Variants in TBCD observed in about 807,000 individuals in gnomAD.
TBCD encodes tubulin folding cofactor D, also known as tubulin-specific chaperone D.
Under a neutral mutation model 169.3 loss-of-function variants are expected in TBCD, and 105 were observed. The observed-to-expected ratio is 0.62, with a 90% CI of 0.53 to 0.73. The LOEUF is 0.73. Ranked by LOEUF, TBCD falls within the 30% of genes least tolerant of loss-of-function variation. TBCD has a pLI of 0.00. For missense variants in TBCD, 1,444 were observed against 1,600.1 expected (o/e 0.90, Z 1.66); for synonymous variants, 700 against 643.9 (o/e 1.09, Z -1.32).
chr17:82,844,920 C>T (rs910598230), intron 13 of TBCD, among the ~76,000 whole-genome samples: 3 of 152,130 alleles, frequency 2.0e-5, no homozygotes, highest in Non-Finnish European at 4.4e-5. Context: ...CTGTGGAGTC[C>T]CCCCACCCAC....
In TBCD at chr17:82,782,097, C is replaced by T. The variant is rs977038604; in HGVS notation, c.771+376C>T. On this transcript the variant is annotated intron_variant, in intron 7 of 38. Transcript: ENST00000355528. The surrounding 1 kb of genome is among the most constrained non-coding windows in gnomAD (Gnocchi z 5.1). ...GGTGAGTTGAAATTTGATTCTGTTC[C>T]TTTGCACTGGGCTCGGGTTGGATGT... Among the ~76,000 whole-genome samples the T allele has an allele frequency of 2.0e-5, 3 of 152,198 alleles. No individual in the cohort carries two copies. The highest frequency in any genetic ancestry group is 7.2e-5 in the African/African-American group (3 of 41,444).
intron 37 of TBCD, among the ~76,000 whole-genome samples, chr17:82,940,182 C>T (rs1457566920): frequency 1.3e-5 from 2 of 151,708 alleles, no homozygotes; most frequent in Non-Finnish European, 2.9e-5. Flanking sequence ...TGGGCATGGG[C>T]ACCCATGCTG....
chr17:82,930,497 C>T lies in TBCD; in HGVS notation c.2992-25C>T. ...GTGGCAGGCTCGGGGGTCCCACTGC[C>T]TTCTGAGGTGTCTCCGTGTTGCAGA... is the stretch of plus-strand genomic sequence containing the variant. On this transcript the variant is annotated intron_variant, in intron 32 of 38. Coordinates refer to ENST00000355528, the MANE Select transcript of TBCD (RefSeq NM_005993.5). The surrounding 1 kb of genome is among the most constrained non-coding windows in gnomAD (Gnocchi z 5.2). The T allele has an allele frequency of 6.2e-7, 1 of 1,609,908 alleles. No homozygotes were observed. The highest frequency in any genetic ancestry group is 2.2e-5 in the East Asian group (1 of 44,780).
intron 26 of TBCD, among the ~76,000 whole-genome samples, chr17:82,924,055 G>T (rs991169293): frequency 6.6e-6 from 1 of 152,178 alleles, no homozygotes; most frequent in Non-Finnish European, 1.5e-5. Context: ...CTGAGTTCAA[G>T]CAATTCTTGT....
chr17:82,833,852 C>G lies in TBCD; in HGVS notation c.1318+18918C>G, dbSNP rs2053724545. Among the ~76,000 whole-genome samples the G allele has an allele frequency of 6.6e-6, 1 of 152,172 alleles. No homozygotes were observed. The highest frequency in any genetic ancestry group is 1.5e-5 in the Non-Finnish European group (1 of 68,028). ...TGTGTGATGTCAGAGCTGGCCTGCT[C>G]TTTTGGATTCTTCCAGAGGGTCTCT... On this transcript the variant is annotated intron_variant, in intron 13 of 38. Transcript: ENST00000355528. This position sits in a 1 kb window ranked among gnomAD's most constrained non-coding sequence, Gnocchi z 4.7.
At chr17:82,825,131 G>T (rs1275351715) in intron 13 of TBCD, among the ~76,000 whole-genome samples, 1 of 152,162 alleles carries the variant, frequency 6.6e-6, no homozygotes, top group African/African-American at 2.4e-5. Flanking sequence ...CAACCATTGT[G>T]CTTGGGCGGG....
chr17:82,859,180 G>A (rs564014135), intron 13 of TBCD, among the ~76,000 whole-genome samples: 26 of 147,514 alleles, frequency 1.8e-4, no homozygotes, highest in African/African-American at 5.3e-4. Flanking sequence ...CTTGTGGGTC[G>A]TCTGGCCTGC....
Position 82,782,933 on chromosome 17 carries a change from G to A in TBCD, c.771+1212G>A, listed in dbSNP as rs747695336. 1.3e-5 allele frequency among the ~76,000 whole-genome samples: 2 copies of A among 149,640 alleles called. No individual in the cohort carries two copies. Among genetic ancestry groups the A allele is most frequent in the Admixed American group, 1.3e-4 (2 of 15,050 alleles). ...GCGGTGTCGTCTTCCTGTCCATGGC[G>A]GCCTCCTGTCCGCGGTGCCCTCCTG... On this transcript the variant is annotated intron_variant, in intron 7 of 38. Transcript: ENST00000355528. The surrounding 1 kb of genome is among the most constrained non-coding windows in gnomAD (Gnocchi z 5.1).
rs759008982 is a variant in TBCD, at chr17:82,831,959, C to T, written c.1318+17025C>T. On this transcript the variant is annotated intron_variant, in intron 13 of 38. Transcript: ENST00000355528. This position sits in a 1 kb window ranked among gnomAD's most constrained non-coding sequence, Gnocchi z 4.6. ...TCTGGCCCCTTGAGTCTGTGCTCGC[C>T]GACTGGAACAAATGCAGAAGGCCGA... The T allele has an allele frequency of 2.5e-5, 41 of 1,613,880 alleles. No individual in the cohort carries two copies. The highest frequency in any genetic ancestry group is 1.2e-4 in the African/African-American group (9 of 75,038).
intron 13 of TBCD, among the ~76,000 whole-genome samples, chr17:82,868,885 C>T (rs538641445): frequency 1.3e-5 from 2 of 150,090 alleles, no homozygotes; most frequent in African/African-American, 2.5e-5. Flanking sequence ...GTGAAGTGTA[C>T]AGACGGCGTG....
In TBCD at chr17:82,835,521, C is replaced by G. The variant is rs1281047320; in HGVS notation, c.1318+20587C>G. Among the ~76,000 whole-genome samples, 1 of 152,154 alleles carries G rather than the reference C, an allele frequency of 6.6e-6. No individual in the cohort carries two copies. The highest frequency in any genetic ancestry group is 2.4e-5 in the African/African-American group (1 of 41,418). On this transcript the variant is annotated intron_variant, in intron 13 of 38. Coordinates refer to ENST00000355528, the MANE Select transcript of TBCD (RefSeq NM_005993.5). The surrounding 1 kb of genome is among the most constrained non-coding windows in gnomAD (Gnocchi z 4.5). ...CACTGCAACCTCTGCCTCCTGGGTT[C>G]AAGAGATTCTCCTGCCTCAGCCTCC...
At position 82,917,019 on chromosome 17, in the gene TBCD, C is replaced by CTTT. The variant is rs59331670; in HGVS notation, c.2039-3535_2039-3533dup. On this transcript the variant is annotated intron_variant, in intron 23 of 38. Coordinates refer to ENST00000355528, the MANE Select transcript of TBCD (RefSeq NM_005993.5). ...CAGTTTGGACTTTTTTTTTTCTTTT[C>CTTT]TTTTCTTTTTTTTTTTTTTGAGTTG... is the stretch of plus-strand genomic sequence containing the variant. Among the ~76,000 whole-genome samples the CTTT allele has an allele frequency of 4.6e-3, 499 of 108,450 alleles. 39 individuals are homozygous for CTTT. Among genetic ancestry groups the CTTT allele is most frequent in the East Asian group, 0.021 (81 of 3,856 alleles). 71.1% of individuals were successfully genotyped at this position (108,450 alleles called of 152,430 possible).
intron 14 of TBCD, among the ~76,000 whole-genome samples, chr17:82,879,521 G>A (rs1266773846): frequency 6.6e-6 from 1 of 152,132 alleles, no homozygotes; most frequent in Non-Finnish European, 1.5e-5. Context: ...CCAGGCCATC[G>A]CTCGGGTGAG....
At position 82,832,042 on chromosome 17, in the gene TBCD, C is replaced by G. The variant is rs369588218; in HGVS notation, c.1318+17108C>G. The G allele has an allele frequency of 6.8e-6, 11 of 1,613,182 alleles. No homozygotes were observed. The highest frequency in any genetic ancestry group is 8.5e-6 in the Non-Finnish European group (10 of 1,179,244). The stretch of plus-strand genomic sequence containing the variant: ...GGCGGCTTCCGGAGCTGGGCTCTTG[C>G]AGGGTGATGCCCTGTGGAGGGCTGG... On this transcript the variant is annotated intron_variant, in intron 13 of 38. Coordinates refer to ENST00000355528, the MANE Select transcript of TBCD (RefSeq NM_005993.5). The surrounding 1 kb of genome is among the most constrained non-coding windows in gnomAD (Gnocchi z 4.9).
intron 13 of TBCD, among the ~76,000 whole-genome samples, chr17:82,828,385 T>C (rs185044657): frequency 7.2e-6 from 1 of 139,520 alleles, no homozygotes; most frequent in Non-Finnish European, 1.5e-5. Context: ...CACTCACAGA[T>C]ACATGCACAC....
At position 82,833,353 on chromosome 17, in the gene TBCD, C is replaced by T. The variant is rs997786586; in HGVS notation, c.1318+18419C>T. ...CTAAGCACTCGTGGCAGTTTCTGCC[C>T]ACTTTAGCCACGTCGTTGGTGTATT... On this transcript the variant is annotated intron_variant, in intron 13 of 38. Transcript: ENST00000355528. The surrounding 1 kb of genome is among the most constrained non-coding windows in gnomAD (Gnocchi z 4.7). 3.3e-5 allele frequency among the ~76,000 whole-genome samples: 5 copies of T among 152,144 alleles called. No individual in the cohort carries two copies. Among genetic ancestry groups the T allele is most frequent in the African/African-American group, 1.2e-4 (5 of 41,438 alleles).
At chr17:82,849,961 C>CTGTGCTGT (rs2055530636) in intron 13 of TBCD, among the ~76,000 whole-genome samples, 3 of 107,272 alleles carry the variant, frequency 2.8e-5, no homozygotes, top group East Asian at 3.0e-4. Context: ...GCCTGTGCTG[C>CTGTGCTGT]TGTTGGCTGT....
chr17:82,788,514 CTT>C (rs1406423087), intron 7 of TBCD, among the ~76,000 whole-genome samples: 1 of 152,040 alleles, frequency 6.6e-6, no homozygotes, highest in African/African-American at 2.4e-5. Context: ...AGTGCGGTTT[CTT>C]TTTATTTTTA....
At chr17:82,857,421 T>C (rs9303013) in intron 13 of TBCD, among the ~76,000 whole-genome samples, 87,039 of 151,988 alleles carry the variant, frequency 0.57, 25,132 homozygotes, top group East Asian at 0.71. Context: ...TCTTTTTTTT[T>C]CTTTTGATAA....
Sources: allele counts gnomAD v4.1 joint callset (sites outside exome capture counted in the v4.1 genomes callset), GRCh38; gene constraint gnomAD v4.1.1; non-coding constraint Gnocchi (gnomAD v3.1); transcripts MANE v1.5; gene names NCBI Gene and HGNC (gene_info 2026-07-23, HGNC 2026-07-21).